The following PIP4P2 variants were observed in gnomAD, a reference collection of about 807,000 sequenced individuals.
PIP4P2 encodes type 2 phosphatidylinositol 4,5-bisphosphate 4-phosphatase.
Under a neutral mutation model 33.3 loss-of-function variants are expected in PIP4P2, and 19 were observed. The observed-to-expected ratio is 0.57, with a 90% CI of 0.40 to 0.84. The LOEUF (loss-of-function observed/expected upper bound fraction) is 0.84. PIP4P2 is among the 40% of genes least tolerant of loss of function. The pLI is 0.00. For missense variants in PIP4P2, 270 were observed against 324.7 expected (o/e 0.83, Z 1.29); for synonymous variants, 110 against 111.9 (o/e 0.98, Z 0.11).
intron 5 of PIP4P2, among the ~76,000 whole-genome samples, chr8:91,004,995 G>C (rs1009023185): frequency 6.6e-6 from 1 of 152,090 alleles, no homozygotes; most frequent in Non-Finnish European, 1.5e-5. Context: ...ACTGAATACA[G>C]AATTTTTTCA....
In PIP4P2 at chr8:90,996,643, G is replaced by C; in HGVS notation, c.630+11C>G. 1 of 1,599,246 alleles carries C rather than the reference G, an allele frequency of 6.3e-7. No individual in the cohort carries two copies. The highest frequency in any genetic ancestry group is 8.5e-7 in the Non-Finnish European group (1 of 1,170,926). On this transcript the variant is annotated intron_variant, in intron 6 of 6. Transcript: ENST00000285419. ...GAGGACAGAATTCTAACATCAAAGT[G>C]TAACACTCACAGTTAACCCAACTCC...
At chr8:91,001,278 AT>A (rs1272985654) in intron 5 of PIP4P2, among the ~76,000 whole-genome samples, 3 of 151,936 alleles carry the variant, frequency 2.0e-5, no homozygotes, top group Non-Finnish European at 4.4e-5. Flanking sequence ...TTTTTCTTTA[AT>A]TTTATGCAAT....
intron 1 of PIP4P2, among the ~76,000 whole-genome samples, chr8:91,030,835 A>G (rs143625312): frequency 0.029 from 4,343 of 152,250 alleles, 66 homozygotes; most frequent in Non-Finnish European, 0.043. Context: ...CCATAACTGT[A>G]TATAGAGTTT....
rs1811634243 is a variant in PIP4P2 at position 90,996,734 on chromosome 8, C to G, written c.550G>C (p.Gly184Arg). The G allele has an allele frequency of 6.2e-7, 1 of 1,603,490 alleles. No homozygotes were observed. Among genetic ancestry groups the G allele is most frequent in the African/African-American group, 1.3e-5 (1 of 74,428 alleles). The change falls in exon 6 of 7, where the codon GGT becomes CGT. Residue 184 changes from glycine (G) to arginine (R), a missense_variant. Physicochemically the swap from Gly to Arg is moderately radical, Grantham distance 125. Coordinates refer to ENST00000285419, the MANE Select transcript of PIP4P2 (RefSeq NM_018710.3). ...CPHCKKISSV[G>R]SALPRRRCCA... is the part of the protein sequence containing the mutation. ...CAGCGTCTTCGTGGAAGTGCACTACCCACTGAGGAGCTGCAAATTCATGAA... is the reference window on the plus strand; with the variant it reads ...CAGCGTCTTCGTGGAAGTGCACTACGCACTGAGGAGCTGCAAATTCATGAA...
rs1586172234 is a variant in PIP4P2, at chr8:90,995,563, G to T, written c.*114C>A. 4.6e-6 allele frequency: 6 copies of T among 1,306,574 alleles called. No individual in the cohort carries two copies. In the East Asian group the frequency reaches 1.3e-4, roughly 29 times the overall value. The allele number at this position is 1,306,574 out of a possible 1,614,324, so 80.9% of individuals were successfully genotyped here. On this transcript the variant is annotated 3_prime_UTR_variant, in exon 7 of 7. Coordinates refer to ENST00000285419, the MANE Select transcript of PIP4P2 (RefSeq NM_018710.3). ...TAAAAGACTCCCAAAGTCTTGAAAC[G>T]ATTATACATAAACCAGAATGGAATC...
At chr8:91,003,851 C>A (rs1811731193) in intron 5 of PIP4P2, among the ~76,000 whole-genome samples, 1 of 151,768 alleles carries the variant, frequency 6.6e-6, no homozygotes, top group East Asian at 1.9e-4. Context: ...GTAGGAGAAA[C>A]CCAGGAGAAA....
chr8:91,016,107 C>T (rs865842577), intron 4 of PIP4P2, among the ~76,000 whole-genome samples: 7 of 152,042 alleles, frequency 4.6e-5, no homozygotes, highest in African/African-American at 7.2e-5. Flanking sequence ...TAGACGGAGA[C>T]GAAAGTCTTT....
At chr8:91,018,250 A>G (rs1811947379) in intron 4 of PIP4P2, 140 bp downstream of exon 4, 1 of 1,342,170 alleles carries the variant, frequency 7.5e-7, no homozygotes. Context: ...TGCACTTCTG[A>G]TTGTCTGCCT....
intron 6 of PIP4P2, 52 bp downstream of exon 6, chr8:90,996,602 C>T: frequency 2.0e-6 from 3 of 1,485,930 alleles, no homozygotes; most frequent in Non-Finnish European, 2.8e-6. Context: ...TCATGATTGA[C>T]TACTGATAAA....
chr8:91,011,130 T>C (rs1039650963), intron 4 of PIP4P2, among the ~76,000 whole-genome samples: 2 of 151,950 alleles, frequency 1.3e-5, no homozygotes, highest in African/African-American at 4.8e-5. Flanking sequence ...CTATTATCCC[T>C]CTCTGCTATG....
At chr8:91,003,283 TA>T (rs751944521) in intron 5 of PIP4P2, among the ~76,000 whole-genome samples, 19 of 152,210 alleles carry the variant, frequency 1.2e-4, no homozygotes, top group Admixed American at 5.9e-4. Flanking sequence ...GGTCAAGAGA[TA>T]AATTAGAAAA....
At chr8:91,019,701 G>A (rs1051558207) in intron 3 of PIP4P2, among the ~76,000 whole-genome samples, 1 of 151,828 alleles carries the variant, frequency 6.6e-6, no homozygotes, top group Non-Finnish European at 1.5e-5. Context: ...AGTCTCCCAA[G>A]TAACTGGGAA....
At chr8:91,016,625 A>G (rs1177562807) in intron 4 of PIP4P2, 1 of 152,172 alleles carries the variant, frequency 6.6e-6, no homozygotes, top group Non-Finnish European at 1.5e-5. Flanking sequence ...AAGAGCTCAA[A>G]TATAATATTT....
At chr8:91,014,758 GACACACACACACACAC>G (rs142952434) in intron 4 of PIP4P2, among the ~76,000 whole-genome samples, 5 of 142,752 alleles carry the variant, frequency 3.5e-5, no homozygotes, top group South Asian at 2.3e-4. Flanking sequence ...TTACCACAAA[GACACACACACACACAC>G]ACACACACAC....
At chr8:91,000,045 C>A (rs1811681164) in intron 5 of PIP4P2, among the ~76,000 whole-genome samples, 1 of 151,898 alleles carries the variant, frequency 6.6e-6, no homozygotes, top group African/African-American at 2.4e-5. Flanking sequence ...GAAAGTTTTA[C>A]AATTTATTTC....
intron 5 of PIP4P2, among the ~76,000 whole-genome samples, chr8:91,000,230 G>C (rs1024372223): frequency 3.3e-5 from 5 of 151,704 alleles, no homozygotes; most frequent in African/African-American, 1.2e-4. Context: ...TTGTATTTTT[G>C]TTTCTCAAAA....
chr8:91,021,526 T>G (rs999227613), intron 1 of PIP4P2, 122 bp from the exon 2 acceptor site: 6 of 1,187,394 alleles, frequency 5.1e-6, no homozygotes, highest in South Asian at 3.4e-5. Flanking sequence ...TTATTTATTT[T>G]TCAAAGCTAG....
chr8:91,019,878 A>C (rs1323281198), intron 3 of PIP4P2, among the ~76,000 whole-genome samples: 1 of 152,182 alleles, frequency 6.6e-6, no homozygotes, highest in African/African-American at 2.4e-5. Flanking sequence ...TTATTTTTAA[A>C]TACGTTCAAT....
At position 90,996,673 on chromosome 8, in the gene PIP4P2, A is replaced by G. The variant is rs1811633057; in HGVS notation, c.611T>C (p.Phe204Ser). 6.2e-7 allele frequency: 1 copy of G among 1,609,310 alleles called. No homozygotes were observed. The highest frequency in any genetic ancestry group is 1.3e-5 in the African/African-American group (1 of 74,724). ...ACTCACAGTTAACCCAACTCCAATGAAAATACATATCATTCCAATGGTAAT... is the reference window on the plus strand; with the variant it reads ...ACTCACAGTTAACCCAACTCCAATGGAAATACATATCATTCCAATGGTAAT... ...AYITIGMICI[F>S]IGVGLTVGTP... The change falls in exon 6 of 7, where the codon TTC becomes TCC. Residue 204 changes from phenylalanine to serine, a missense_variant. By Grantham distance (155) the Phe-to-Ser change is radical. Transcript: ENST00000285419.
Sources: gnomAD v4.1 joint callset for allele counts (sites outside exome capture counted in the v4.1 genomes callset) on GRCh38, gnomAD v4.1.1 for gene constraint, MANE v1.5 for transcripts, NCBI Gene and HGNC (gene_info 2026-07-23, HGNC 2026-07-21) for gene names.